The following SVEP1 variants were observed in gnomAD, a reference collection of about 807,000 sequenced individuals.
The protein encoded by SVEP1 is sushi, von Willebrand factor type A, EGF and pentraxin domain-containing protein 1.
Under a neutral mutation model 367.3 loss-of-function variants are expected in SVEP1, and 164 were observed. That is an observed-to-expected ratio of 0.45 (90% confidence interval 0.39 to 0.51). The LOEUF (loss-of-function observed/expected upper bound fraction) is 0.51. SVEP1 is among the 20% of genes least tolerant of loss of function. SVEP1 has a pLI of 0.00. For synonymous variants in SVEP1, 1,666 were observed against 1,611.6 expected (o/e 1.03, Z -0.81); for missense variants, 4,117 against 4,425.3 (o/e 0.93, Z 1.98).
rs752445572 is a variant in SVEP1 at position 110,562,238 on chromosome 9, CAA to C, written c.532-12136_532-12135del. Among the ~76,000 whole-genome samples the C allele has an allele frequency of 3.2e-5, 4 of 125,568 alleles. No individual in the cohort carries two copies. In the Admixed American group the frequency reaches 3.2e-4, roughly 10 times the overall value. The allele number at this position is 125,568 out of a possible 152,430, so 82.4% of individuals were successfully genotyped here. A position where few individuals can be genotyped will look rare whatever the true frequency, so the allele number is the denominator to read the frequency against. ...ATAAAGAAAATATGAATAGCAAAAA[CAA>C]AAAAAAAGTCATCAGAATCCAAATG... is the stretch of plus-strand genomic sequence containing the variant. On this transcript the variant is annotated intron_variant, in intron 1 of 47. Transcript: ENST00000374469.
Position 110,550,065 on chromosome 9 carries a change from C to A in SVEP1, c.571G>T (p.Val191Leu), listed in dbSNP as rs1401131938. Residue 191 changes from valine to leucine, a missense_variant, in exon 2 of 48, where the codon GTA becomes TTA. Val to Leu is a conservative substitution (Grantham distance 32). Coordinates refer to ENST00000374469, the MANE Select transcript of SVEP1 (RefSeq NM_153366.4). Reference sequence around the variant, plus strand: ...GAATATCCATCAGTGATGAGAAATACAACTTTTGTTGAGTTTTCTCTAGCA... The same window carrying A: ...GAATATCCATCAGTGATGAGAAATAAAACTTTTGTTGAGTTTTCTCTAGCA... The part of the protein sequence containing the change: ...LHARENSTKV[V>L]FLITDGYSNG... 3 of 1,613,958 alleles carry A rather than the reference C, an allele frequency of 1.9e-6. No individual in the cohort carries two copies. Among genetic ancestry groups the A allele is most frequent in the South Asian group, 1.1e-5 (1 of 91,078 alleles).
intron 24 of SVEP1, 41 bp downstream of exon 24, chr9:110,450,018 A>G (rs942501026): frequency 1.9e-6 from 3 of 1,604,846 alleles, no homozygotes; most frequent in Non-Finnish European, 2.6e-6. Flanking sequence ...GAATAGTTTA[A>G]AAAATAAAAA....
Position 110,579,589 on chromosome 9 carries a change from G to C in SVEP1, c.-46C>G, listed in dbSNP as rs562735206. The C allele has an allele frequency of 1.5e-4, 228 of 1,514,072 alleles. No homozygotes were observed. In the African/African-American group the frequency reaches 2.7e-3, roughly 18 times the overall value. The allele number at this position is 1,514,072 out of a possible 1,614,324, so 93.8% of individuals were successfully genotyped here. On this transcript the variant is annotated 5_prime_UTR_variant, in exon 1 of 48. Coordinates refer to ENST00000374469, the MANE Select transcript of SVEP1 (RefSeq NM_153366.4). The surrounding 1 kb of genome is among the most constrained non-coding windows in gnomAD (Gnocchi z 5.3). ...TGCCCCGGAGCGCAGGCGGCGGCTC[G>C]GGCGGGAAGAGGCGCTGGGCGGCCG...
chr9:110,539,709 T>C (rs1304995102), intron 3 of SVEP1, among the ~76,000 whole-genome samples: 2 of 151,712 alleles, frequency 1.3e-5, no homozygotes, highest in African/African-American at 4.8e-5. Context: ...AAATGCTTCA[T>C]GAATTTGCTA....
chr9:110,475,452 C>T (rs1225175652), intron 14 of SVEP1, among the ~76,000 whole-genome samples: 2 of 152,082 alleles, frequency 1.3e-5, no homozygotes, highest in East Asian at 3.8e-4. Context: ...GGTAGTGAGG[C>T]TAGGATTTAG....
intron 18 of SVEP1, among the ~76,000 whole-genome samples, chr9:110,461,590 T>A (rs535015781): frequency 4.0e-4 from 61 of 151,656 alleles, no homozygotes; most frequent in African/African-American, 1.3e-3. Context: ...TTTTTTTAAT[T>A]GATTTGAGAA....
chr9:110,497,580 A>T (rs1237094270), intron 7 of SVEP1, among the ~76,000 whole-genome samples: 1 of 152,246 alleles, frequency 6.6e-6, no homozygotes, highest in Non-Finnish European at 1.5e-5. Context: ...CTGTGACAGG[A>T]AGAAACTACA....
chr9:110,498,932 T>C, intron 7 of SVEP1, 109 bp downstream of exon 7: 1 of 931,604 alleles, frequency 1.1e-6, no homozygotes, highest in Non-Finnish European at 1.5e-6. Context: ...CACCTAACCA[T>C]ATTATCATGG....
rs746965380 is a variant in SVEP1 at position 110,407,304 on chromosome 9, C to T, written c.8296G>A (p.Ala2766Thr). 22 of 1,613,848 alleles carry T rather than the reference C, an allele frequency of 1.4e-5. No homozygotes were observed. Among genetic ancestry groups the T allele is most frequent in the Non-Finnish European group, 1.9e-5 (22 of 1,179,910 alleles). The change falls in exon 38 of 48, where the codon GCC becomes ACC. Residue 2766 changes from alanine (A) to threonine (T), a missense_variant. Ala to Thr is a moderately conservative substitution (Grantham distance 58). Around this residue, in one of 4 missense-constraint regions of SVEP1, gnomAD observed 1,765 missense variants for 1,781.1 expected, o/e 0.99. Coordinates refer to ENST00000374469, the MANE Select transcript of SVEP1 (RefSeq NM_153366.4). ...GAAATGGCTTCACAGCGTGGGGAGG[C>T]ACCACTCCACTTTCTATTCTCTAGA... ...LCLENRKWSG[A>T]SPRCEAISCK...
At chr9:110,456,577 C>A (rs986674184) in intron 21 of SVEP1, among the ~76,000 whole-genome samples, 1 of 151,932 alleles carries the variant, frequency 6.6e-6, no homozygotes, top group Non-Finnish European at 1.5e-5. Flanking sequence ...GTGGTGAATT[C>A]CTTTACTTAA....
Position 110,491,341 on chromosome 9 carries a change from A to T in SVEP1, c.1801-1562T>A, listed in dbSNP as rs769391081. 3.4e-4 allele frequency among the ~76,000 whole-genome samples: 52 copies of T among 151,786 alleles called. 1 individual carries two copies. Among genetic ancestry groups the T allele is most frequent in the Non-Finnish European group, 5.0e-4 (34 of 67,836 alleles). ...ATTCTATAAATATTTTGCTTTTTAA[A>T]TTTTTTCTTTCAGAAAAACTAGAAT... On this transcript the variant is annotated intron_variant, in intron 8 of 47. Coordinates refer to ENST00000374469, the MANE Select transcript of SVEP1 (RefSeq NM_153366.4).
At position 110,579,270 on chromosome 9, in the gene SVEP1, A is replaced by T. The variant is rs1050118985; in HGVS notation, c.274T>A (p.Ser92Thr). Residue 92 changes from serine (S) to threonine (T), a missense_variant, in exon 1 of 48, where the codon TCC (serine) becomes ACC (threonine). Ser to Thr is a moderately conservative substitution (Grantham distance 58, BLOSUM62 1). Coordinates refer to ENST00000374469, the MANE Select transcript of SVEP1 (RefSeq NM_153366.4). The surrounding 1 kb of genome is among the most constrained non-coding windows in gnomAD (Gnocchi z 5.3). ...CGGAAGTTGACTTCGCCCACGCTGG[A>T]CGAATCATCCACCAGGAAGACAAGC... ...LELVFLVDDS[S>T]SVGEVNFRSE... The T allele has an allele frequency of 4.5e-6, 7 of 1,572,854 alleles. No individual in the cohort carries two copies. Among genetic ancestry groups the T allele is most frequent in the Non-Finnish European group, 6.0e-6 (7 of 1,160,522 alleles).
At chr9:110,387,817 C>T (rs1251695882) in intron 41 of SVEP1, among the ~76,000 whole-genome samples, 1 of 152,184 alleles carries the variant, frequency 6.6e-6, no homozygotes, top group Non-Finnish European at 1.5e-5. Context: ...TTTCTTACAA[C>T]ACTTAAGTTG....
chr9:110,516,704 A>T (rs565995900), intron 3 of SVEP1, among the ~76,000 whole-genome samples: 1 of 152,312 alleles, frequency 6.6e-6, no homozygotes. Context: ...AATGTAAATG[A>T]AAAATTAGAA....
At chr9:110,436,252 T>C (rs1269807965) in intron 28 of SVEP1, 128 bp downstream of exon 28, 5 of 1,214,578 alleles carry the variant, frequency 4.1e-6, no homozygotes, top group Non-Finnish European at 4.5e-6. Context: ...CAGCATCAAA[T>C]GATACTGGTG....
At chr9:110,446,712 C>T (rs1189461358) in intron 25 of SVEP1, among the ~76,000 whole-genome samples, 188 bp downstream of exon 25, 4 of 152,120 alleles carry the variant, frequency 2.6e-5, no homozygotes, top group African/African-American at 9.7e-5. Flanking sequence ...TTAATTTCAT[C>T]ATCTGTGCCA....
chr9:110,466,319 GA>G (rs1828936098), intron 17 of SVEP1, among the ~76,000 whole-genome samples: 1 of 152,170 alleles, frequency 6.6e-6, no homozygotes, highest in Admixed American at 6.5e-5. Flanking sequence ...ACATAGCACA[GA>G]AGGACACTAT....
chr9:110,404,049 C>A (rs556954733), intron 39 of SVEP1, among the ~76,000 whole-genome samples: 112 of 152,166 alleles, frequency 7.4e-4, no homozygotes, highest in African/African-American at 2.7e-3. Flanking sequence ...CACAAGGACC[C>A]TCTTTTAATA....
At chr9:110,377,421 C>T (rs1827365550) in intron 44 of SVEP1, 55 bp from the exon 45 acceptor site, 2 of 1,532,952 alleles carry the variant, frequency 1.3e-6, no homozygotes, top group Admixed American at 1.7e-5. Context: ...GGGAAGGAGT[C>T]AGAAAATAGA....
Sources: allele counts gnomAD v4.1 joint callset (sites outside exome capture counted in the v4.1 genomes callset), GRCh38; gene constraint gnomAD v4.1.1; regional missense constraint gnomAD v4.1.1; non-coding constraint Gnocchi (gnomAD v3.1); transcripts MANE v1.5; gene names NCBI Gene and HGNC (gene_info 2026-07-23, HGNC 2026-07-21).